NCOA6: variants seen among roughly 807,000 people sequenced by gnomAD.
NCOA6 encodes nuclear receptor coactivator 6.
NCOA6 carries 49 observed loss-of-function variants against 171.4 expected under a neutral mutation model. The ratio of observed to expected loss-of-function variants is 0.29; its 90% confidence interval spans 0.23 to 0.36. NCOA6 has a LOEUF of 0.36. Ranked by LOEUF, NCOA6 falls within the 10% of genes least tolerant of loss-of-function variation. NCOA6 has a pLI of 1.00. For synonymous variants in NCOA6, 910 were observed against 927.5 expected (o/e 0.98, Z 0.34); for missense variants, 2,248 against 2,554.5 (o/e 0.88, Z 2.59).
chr20:34,753,540 A>C (rs1368094147), intron 8 of NCOA6, among the ~76,000 whole-genome samples: 1 of 151,898 alleles, frequency 6.6e-6, no homozygotes, highest in Non-Finnish European at 1.5e-5. Context: ...GGGCACCTGT[A>C]ATCCCAGCTA....
At chr20:34,811,130 T>C (rs1156648774) in intron 1 of NCOA6, among the ~76,000 whole-genome samples, 1 of 142,788 alleles carries the variant, frequency 7.0e-6, no homozygotes, top group Non-Finnish European at 1.5e-5. Flanking sequence ...GAGCTAGGAC[T>C]AAACAGAATC....
chr20:34,715,730 C>T (rs1026101433), intron 14 of NCOA6, among the ~76,000 whole-genome samples: 1 of 152,112 alleles, frequency 6.6e-6, no homozygotes, highest in Non-Finnish European at 1.5e-5. Flanking sequence ...GGTGAGAAAT[C>T]AACGAGTAAT....
At chr20:34,789,546 G>C (rs1011616552) in intron 2 of NCOA6, among the ~76,000 whole-genome samples, 3 of 152,196 alleles carry the variant, frequency 2.0e-5, no homozygotes, top group African/African-American at 7.2e-5. Context: ...GCCGAGGTGG[G>C]CAGACGGCTT....
chr20:34,750,781 C>T, intron 8 of NCOA6, among the ~76,000 whole-genome samples: 1 of 152,238 alleles, frequency 6.6e-6, no homozygotes, highest in South Asian at 2.1e-4. Context: ...AAAGATTTAA[C>T]GTTTCAAAGA....
At chr20:34,791,996 G>C (rs1601051084) in intron 2 of NCOA6, among the ~76,000 whole-genome samples, 1 of 152,106 alleles carries the variant, frequency 6.6e-6, no homozygotes, top group Middle Eastern at 3.4e-3. Context: ...TAGGAGGGAG[G>C]GAAATAGAAA....
At chr20:34,736,205 AGAGACGACT>A (rs1369117839) in intron 12 of NCOA6, among the ~76,000 whole-genome samples, 19 of 152,312 alleles carry the variant, frequency 1.2e-4, no homozygotes, top group Admixed American at 9.8e-4. Context: ...AATGCCACCC[AGAGACGACT>A]GAAATGACTC....
rs142330777 is a variant in NCOA6 at position 34,715,150 on chromosome 20, C to T, written c.*172G>A. 1,707 of 748,442 alleles carry T rather than the reference C, an allele frequency of 2.3e-3. 4 individuals are homozygous for T. Among genetic ancestry groups the T allele is most frequent in the Non-Finnish European group, 2.8e-3 (1,291 of 460,578 alleles). The allele number at this position is 748,442 out of a possible 1,614,324, so 46.4% of individuals were successfully genotyped here. ...AACTCGCAACACCAAAAGGGCTCAA[C>T]AGTCCTGCTTTCCCCATTGCACTTT... On this transcript the variant is annotated 3_prime_UTR_variant, in exon 15 of 15. Transcript: ENST00000359003.
At chr20:34,799,718 A>G (rs936659359) in intron 1 of NCOA6, among the ~76,000 whole-genome samples, 1 of 152,208 alleles carries the variant, frequency 6.6e-6, no homozygotes, top group African/African-American at 2.4e-5. Context: ...CGAAAGGAAA[A>G]AAAATTTACC....
rs1600879599 is a variant in NCOA6 at position 34,757,857 on chromosome 20, T to C, written c.891A>G (p.Gln297=). The C allele has an allele frequency of 6.2e-7, 1 of 1,613,900 alleles. No homozygotes were observed. Among genetic ancestry groups the C allele is most frequent in the Non-Finnish European group, 8.5e-7 (1 of 1,180,004 alleles). ...ACTGGGGTCGAATTCCCTGTGGCTG[T>C]TGCTGCTGATGTTGCTGTGGGGGTC... ...QARPPQQHQQ[Q]QPQGIRPQFT... is the part of the protein sequence containing the mutation. Residue 297 remains glutamine, a synonymous_variant, in exon 7 of 15, where the codon CAA becomes CAG. Transcript: ENST00000359003.
chr20:34,729,529 T>C (rs1045725888), intron 13 of NCOA6, among the ~76,000 whole-genome samples: 4 of 140,122 alleles, frequency 2.9e-5, no homozygotes, highest in Admixed American at 7.8e-5. Flanking sequence ...CAAATAAAAA[T>C]AATGCAACAA....
chr20:34,754,842 A>G lies in NCOA6; in HGVS notation c.1555T>C (p.Phe519Leu), dbSNP rs371988001. The change falls in exon 8 of 15, where the codon TTC becomes CTC. Residue 519 changes from phenylalanine to leucine, a missense_variant. Phe to Leu is a conservative substitution (Grantham distance 22). This residue lies in a region of NCOA6 where 987 missense variants were observed against 1,104.7 expected (regional missense o/e 0.89). Coordinates refer to ENST00000359003, the MANE Select transcript of NCOA6 (RefSeq NM_014071.5). ...GGMPKRLPPG[F>L]SAGQANPNFM... ...TTCGGATTGGCCTGTCCTGCTGAGAAGCCAGGTGGGAGGCGTTTAGGCATT... is the reference window on the plus strand; with the variant it reads ...TTCGGATTGGCCTGTCCTGCTGAGAGGCCAGGTGGGAGGCGTTTAGGCATT... The G allele has an allele frequency of 8.1e-5, 131 of 1,614,182 alleles. No individual in the cohort carries two copies. The Middle Eastern group carries it at 1.8e-3, about 22-fold the overall frequency.
Position 34,741,437 on chromosome 20 carries a change from T to C in NCOA6, c.4819A>G (p.Thr1607Ala). The stretch of plus-strand genomic sequence containing the variant: ...GCTGCTGATGTGTTAGCTGAAGTTG[T>C]GATGGGATTGGAAGTGACAAATACA... ...ITVFVTSNPI[T>A]TSANTSAALP... Residue 1607 changes from threonine to alanine, a missense_variant, in exon 11 of 15, where the codon ACA becomes GCA. Transcript: ENST00000359003. 1 of 1,614,160 alleles carries C rather than the reference T, an allele frequency of 6.2e-7. No homozygotes were observed. The highest frequency in any genetic ancestry group is 8.5e-7 in the Non-Finnish European group (1 of 1,180,028).
intron 1 of NCOA6, 99 bp downstream of exon 1, chr20:34,825,373 G>C (rs7262274): frequency 0.67 from 100,914 of 149,862 alleles, 35,730 homozygotes; most frequent in African/African-American, 0.89. Flanking sequence ...TTTTCCGCGC[G>C]GGCCCGGGCG....
At chr20:34,775,155 G>A (rs1211490094) in intron 4 of NCOA6, among the ~76,000 whole-genome samples, 1 of 152,176 alleles carries the variant, frequency 6.6e-6, no homozygotes, top group East Asian at 1.9e-4. Flanking sequence ...GGCAAGGGAG[G>A]AAAGTTACAC....
chr20:34,768,473 T>G lies in NCOA6; in HGVS notation c.505A>C (p.Ser169Arg). 1 of 1,614,142 alleles carries G rather than the reference T, an allele frequency of 6.2e-7. No homozygotes were observed. Among genetic ancestry groups the G allele is most frequent in the Non-Finnish European group, 8.5e-7 (1 of 1,180,004 alleles). The part of the protein sequence containing the change: ...VRMEAGFPMA[S>R]GPGIIRMNNP... ...GAGTGGGAGGTCTTACCTGGACCAC[T>G]TGCCATAGGAAATCCCGCCTCCATC... The change falls in exon 5 of 15, where the codon AGT (serine) becomes CGT (arginine). Residue 169 changes from serine (S) to arginine (R), a missense_variant. By Grantham distance (110) the Ser-to-Arg change is moderately radical. This residue lies in a region of NCOA6 where 987 missense variants were observed against 1,104.7 expected (regional missense o/e 0.89). Coordinates refer to ENST00000359003, the MANE Select transcript of NCOA6 (RefSeq NM_014071.5).
chr20:34,774,334 C>T (rs1348237589), intron 4 of NCOA6, among the ~76,000 whole-genome samples: 1 of 152,200 alleles, frequency 6.6e-6, no homozygotes, highest in Non-Finnish European at 1.5e-5. Context: ...CTACAGATTG[C>T]TGTGAATTAA....
intron 8 of NCOA6, among the ~76,000 whole-genome samples, chr20:34,751,002 A>T (rs2076460479): frequency 6.6e-6 from 1 of 151,900 alleles, no homozygotes; most frequent in Admixed American, 6.6e-5. Flanking sequence ...GACAGAGTGA[A>T]ACCCCGTCTC....
intron 4 of NCOA6, among the ~76,000 whole-genome samples, chr20:34,772,249 G>A (rs1249439540): frequency 6.6e-6 from 1 of 151,806 alleles, no homozygotes; most frequent in Non-Finnish European, 1.5e-5. Flanking sequence ...AGGAGGCCGG[G>A]GCTACAGTGA....
chr20:34,734,807 G>A lies in NCOA6; in HGVS notation c.5962+1883C>T, dbSNP rs765863827. 4.0e-5 allele frequency among the ~76,000 whole-genome samples: 6 copies of A among 151,854 alleles called. No homozygotes were observed. In the East Asian group the frequency reaches 5.8e-4, roughly 15 times the overall value. Reference sequence around the variant, plus strand: ...AGCTGGGATTACAGGCATGTGCCACGACAGCCAGCTAATTTTGTATTTGTA... The same window carrying A: ...AGCTGGGATTACAGGCATGTGCCACAACAGCCAGCTAATTTTGTATTTGTA... On this transcript the variant is annotated intron_variant, in intron 12 of 14. Coordinates refer to ENST00000359003, the MANE Select transcript of NCOA6 (RefSeq NM_014071.5).
Sources: gnomAD v4.1 joint callset for allele counts (sites outside exome capture counted in the v4.1 genomes callset) on GRCh38, gnomAD v4.1.1 for gene constraint, gnomAD v4.1.1 regional missense constraint, MANE v1.5 for transcripts, NCBI Gene and HGNC (gene_info 2026-07-23, HGNC 2026-07-21) for gene names.